HTR4: variants seen among roughly 807,000 people sequenced by gnomAD.
HTR4 encodes 5-hydroxytryptamine receptor 4, also known as 5-hydroxytryptamine (serotonin) receptor 4, G protein-coupled.
Under a neutral mutation model 36.8 loss-of-function variants are expected in HTR4, and 16 were observed. The ratio of observed to expected loss-of-function variants is 0.43; its 90% CI spans 0.29 to 0.66. The LOEUF (loss-of-function observed/expected upper bound fraction) is 0.66. Among genes scored for constraint, HTR4 ranks in the 30% least tolerant of loss-of-function variants. HTR4 has a pLI of 0.13. For missense variants in HTR4, 438 were observed against 490.9 expected, an observed-to-expected ratio of 0.89 and a Z score of 1.02; for synonymous variants, 189 against 185.1, an observed-to-expected ratio of 1.02 and a Z score of -0.17.
intron 2 of HTR4, among the ~76,000 whole-genome samples, chr5:148,553,277 T>C (rs979260705): frequency 6.6e-6 from 1 of 152,136 alleles, no homozygotes; most frequent in African/African-American, 2.4e-5. Context: ...AGACTGGCTA[T>C]TTAATAAAGG....
chr5:148,626,063 A>G (rs1054513195), intron 2 of HTR4, among the ~76,000 whole-genome samples: 1 of 152,210 alleles, frequency 6.6e-6, no homozygotes, highest in African/African-American at 2.4e-5. Flanking sequence ...TCTCAGTCAT[A>G]GAAGACTGGT....
intron 1 of HTR4, among the ~76,000 whole-genome samples, chr5:148,643,200 TTTCTC>T (rs1341713500): frequency 1.3e-5 from 2 of 152,200 alleles, no homozygotes; most frequent in Admixed American, 1.3e-4. Flanking sequence ...TAAATACACT[TTTCTC>T]AGCTGGGTAA....
At chr5:148,528,577 A>C (rs1185667245) in intron 4 of HTR4, among the ~76,000 whole-genome samples, 1 of 152,176 alleles carries the variant, frequency 6.6e-6, no homozygotes, top group African/African-American at 2.4e-5. Context: ...GATTAATAAA[A>C]ATTGAGTTCT....
chr5:148,585,869 C>T (rs752128840), intron 2 of HTR4, among the ~76,000 whole-genome samples: 1 of 152,154 alleles, frequency 6.6e-6, no homozygotes, highest in African/African-American at 2.4e-5. Flanking sequence ...CTATGCTCCA[C>T]GAAGTATAGT....
At chr5:148,490,240 T>C (rs1302158070) in intron 6 of HTR4, among the ~76,000 whole-genome samples, 1 of 150,234 alleles carries the variant, frequency 6.7e-6, no homozygotes, top group African/African-American at 2.4e-5. Flanking sequence ...TCAGTAAATA[T>C]ATCCAATATT....
downstream of HTR4, among the ~76,000 whole-genome samples, chr5:148,473,329 G>A (rs1427487081): frequency 6.7e-6 from 1 of 149,350 alleles, no homozygotes; most frequent in Non-Finnish European, 1.5e-5. Context: ...AGAGGTAGAA[G>A]ATAGCCGTAG....
At chr5:148,643,762 A>G (rs2127314148) in intron 1 of HTR4, among the ~76,000 whole-genome samples, 1 of 152,302 alleles carries the variant, frequency 6.6e-6, no homozygotes, top group East Asian at 1.9e-4. Context: ...GAGGAGTTTG[A>G]GACTAACTGT....
intron 2 of HTR4, among the ~76,000 whole-genome samples, chr5:148,619,157 T>G (rs919117329): frequency 6.6e-6 from 1 of 152,138 alleles, no homozygotes; most frequent in African/African-American, 2.4e-5. Flanking sequence ...ACCTTAGAAT[T>G]CAGTCCAGCT....
chr5:148,624,545 C>T (rs369359243), intron 2 of HTR4, among the ~76,000 whole-genome samples: 14 of 152,116 alleles, frequency 9.2e-5, no homozygotes, highest in Admixed American at 6.6e-4. Flanking sequence ...CTAAGGGATA[C>T]AAAATAAAAG....
intron 1 of HTR4, among the ~76,000 whole-genome samples, 151 bp downstream of exon 1, chr5:148,653,911 G>T (rs1754113881): frequency 6.6e-6 from 1 of 152,092 alleles, no homozygotes; most frequent in African/African-American, 2.4e-5. Context: ...ACCCTGAGCC[G>T]CCCCGAAGCC....
chr5:148,637,117 A>C, intron 1 of HTR4, 56 bp from the exon 2 acceptor site: 2 of 1,176,030 alleles, frequency 1.7e-6, no homozygotes, highest in Non-Finnish European at 2.5e-6. Context: ...GAAAAATACA[A>C]GTCCTTGTTT....
chr5:148,582,412 A>G (rs183219568), intron 2 of HTR4, among the ~76,000 whole-genome samples: 4 of 151,902 alleles, frequency 2.6e-5, no homozygotes, highest in Non-Finnish European at 4.4e-5. Flanking sequence ...TATTGAGCAT[A>G]TTACCCAATA....
intron 1 of HTR4, 131 bp downstream of exon 1, chr5:148,653,931 G>T (rs1014579020): frequency 8.2e-6 from 4 of 490,692 alleles, no homozygotes; most frequent in South Asian, 8.7e-5. Flanking sequence ...CCACCCTGCC[G>T]CAAAGCCGGG....
At chr5:148,492,067 T>G (rs751653460) in intron 6 of HTR4, among the ~76,000 whole-genome samples, 1 of 152,150 alleles carries the variant, frequency 6.6e-6, no homozygotes, top group Non-Finnish European at 1.5e-5. Flanking sequence ...ATAAACCACG[T>G]TGGGCATTTC....
intron 2 of HTR4, among the ~76,000 whole-genome samples, chr5:148,586,589 C>T (rs1335144862): frequency 1.3e-5 from 2 of 152,108 alleles, no homozygotes; most frequent in African/African-American, 2.4e-5. Flanking sequence ...GAAACCACTT[C>T]CAGGATCGCA....
At chr5:148,630,860 A>G (rs1435138209) in intron 2 of HTR4, among the ~76,000 whole-genome samples, 2 of 152,158 alleles carry the variant, frequency 1.3e-5, no homozygotes, top group African/African-American at 2.4e-5. Flanking sequence ...GATTACATAA[A>G]TTCTTCAAAG....
intron 6 of HTR4, among the ~76,000 whole-genome samples, chr5:148,509,145 A>C (rs975062213): frequency 1.3e-5 from 2 of 152,098 alleles, no homozygotes; most frequent in Admixed American, 6.5e-5. Flanking sequence ...TCTCATAAAA[A>C]CTCTGTGATG....
intron 2 of HTR4, among the ~76,000 whole-genome samples, chr5:148,557,427 A>G (rs1392027420): frequency 6.6e-6 from 1 of 152,224 alleles, no homozygotes; most frequent in African/African-American, 2.4e-5. Context: ...GAAACACATT[A>G]AGTGTGAGAT....
At chr5:148,575,086 A>G (rs1391483975) in intron 2 of HTR4, among the ~76,000 whole-genome samples, 1 of 152,038 alleles carries the variant, frequency 6.6e-6, no homozygotes, top group Non-Finnish European at 1.5e-5. Context: ...GCTTCTGGGT[A>G]CATCTCCTTT....
Sources: allele counts gnomAD v4.1 joint callset (sites outside exome capture counted in the v4.1 genomes callset), GRCh38; gene constraint gnomAD v4.1.1; transcripts MANE v1.5; gene names NCBI Gene and HGNC (gene_info 2026-07-23, HGNC 2026-07-21).